ANKRD24: variants seen among roughly 807,000 people sequenced by gnomAD.
The protein encoded by ANKRD24 is ankyrin repeat domain-containing protein 24.
ANKRD24 carries 109 observed loss-of-function variants against 127.8 expected under a neutral mutation model. That is an observed-to-expected ratio of 0.85 (90% CI 0.73 to 1.00). The LOEUF is 1.00. Ranked by LOEUF, ANKRD24 falls within the 50% of genes least tolerant of loss-of-function variation. The pLI is 0.00. For missense variants in ANKRD24, 1,648 were observed against 1,570.2 expected (o/e 1.05, Z -0.84); for synonymous variants, 743 against 671.1 (o/e 1.11, Z -1.66).
Position 4,218,036 on chromosome 19 carries a change from T to TGTGC in ANKRD24, c.2877_2880dup (p.Ser961ValfsTer34). ...CGCGCGGAGCTGGAGCGGGAGCGTG[T>TGTGC]GTGCAGCGTGGCGCTCTCGGAGCAC... is the stretch of plus-strand genomic sequence containing the variant. On this transcript the variant is annotated frameshift_variant, in exon 18 of 22. Transcript: ENST00000318934. LOFTEE classifies it high-confidence loss of function. 1 of 1,559,202 alleles carries TGTGC rather than the reference T, an allele frequency of 6.4e-7. No homozygotes were observed. Among genetic ancestry groups the TGTGC allele is most frequent in the Admixed American group, 1.9e-5 (1 of 53,550 alleles).
chr19:4,208,373 A>G (rs1335721071), intron 10 of ANKRD24, among the ~76,000 whole-genome samples: 1 of 152,112 alleles, frequency 6.6e-6, no homozygotes, highest in Non-Finnish European at 1.5e-5. Flanking sequence ...ACGTGGTTCA[A>G]GCAATTCTCC....
rs149534927 is a variant in ANKRD24 at position 4,210,091 on chromosome 19, C to A, written c.904C>A (p.Pro302Thr). Reference protein sequence around the residue: ...SMSSHGKQGAPKKRKAPPPPA... With the variant: ...SMSSHGKQGATKKRKAPPPPA... The stretch of plus-strand genomic sequence containing the variant: ...GTCCAGCCATGGAAAGCAGGGGGCC[C>A]CCAAGAAGCGGAAGGCGCCTCCACC... The change falls in exon 12 of 22, where the codon CCC becomes ACC. Residue 302 changes from proline to threonine, a missense_variant. Pro to Thr is a conservative substitution (Grantham distance 38). Coordinates refer to ENST00000318934, the MANE Select transcript of ANKRD24 (RefSeq NM_001393985.1). 1.5e-4 allele frequency: 234 copies of A among 1,612,670 alleles called. 1 individual carries two copies. The African/African-American group carries it at 2.7e-3, about 18-fold the overall frequency.
chr19:4,212,492 C>T lies in ANKRD24; in HGVS notation c.1077C>T (p.Ser359=). Residue 359 remains serine (S), a synonymous_variant, in exon 14 of 22, where the codon TCC becomes TCT. Coordinates refer to ENST00000318934, the MANE Select transcript of ANKRD24 (RefSeq NM_001393985.1). ...RRQQESPEAS[S]LHILERQVQE... ...CCCGTCAGTCCCCGGAGGCCAGCTC[C>T]CTGCACATCCTGGAGAGACAGGTAG... The T allele has an allele frequency of 6.4e-7, 1 of 1,570,704 alleles. No individual in the cohort carries two copies. Among genetic ancestry groups the T allele is most frequent in the South Asian group, 1.2e-5 (1 of 85,076 alleles).
chr19:4,224,633 G>T lies in ANKRD24; in HGVS notation c.*128G>T, dbSNP rs1970641222. On this transcript the variant is annotated 3_prime_UTR_variant, in exon 22 of 22. Coordinates refer to ENST00000318934, the MANE Select transcript of ANKRD24 (RefSeq NM_001393985.1). ...TCCAGGCCCATGCACTTGGAGACCA[G>T]CCTGGTTCCCTGCCCGACCACCCCC... 1.1e-5 allele frequency: 10 copies of T among 906,048 alleles called. No individual in the cohort carries two copies. The South Asian group carries it at 1.5e-4, about 14-fold the overall frequency. The allele number at this position is 906,048 out of a possible 1,614,324, so 56.1% of individuals were successfully genotyped here.
In ANKRD24 at chr19:4,197,559, C is replaced by T. The variant is rs538101755; in HGVS notation, c.37-2124C>T. On this transcript the variant is annotated intron_variant, in intron 2 of 21. Transcript: ENST00000318934. ...TGTGGGAATGAATAAGTGAATGGGT[C>T]ATATAAGAATGAATGAATGAACAAA... is the stretch of plus-strand genomic sequence containing the variant. Among the ~76,000 whole-genome samples the T allele has an allele frequency of 1.0e-3, 136 of 131,674 alleles. 1 individual carries two copies. The highest frequency in any genetic ancestry group is 3.4e-3 in the African/African-American group (132 of 38,452). 86.4% of individuals were successfully genotyped at this position (131,674 alleles called of 152,430 possible).
intron 20 of ANKRD24, among the ~76,000 whole-genome samples, chr19:4,223,650 C>T (rs10401182): frequency 0.02 from 3,002 of 151,858 alleles, 48 homozygotes; most frequent in Middle Eastern, 0.068. Flanking sequence ...CTGCAACCTC[C>T]GCCTCCCGGG....
chr19:4,216,199 G>A (rs1970056532), intron 16 of ANKRD24, 85 bp from the exon 17 acceptor site: 2 of 1,431,940 alleles, frequency 1.4e-6, no homozygotes, highest in Admixed American at 4.0e-5. Flanking sequence ...CCTGCCCTGG[G>A]AACCCTGATC....
intron 5 of ANKRD24, among the ~76,000 whole-genome samples, chr19:4,200,494 A>C (rs749605212): frequency 2.7e-5 from 4 of 150,852 alleles, no homozygotes; most frequent in Admixed American, 6.6e-5. Flanking sequence ...ATAGCTGCAA[A>C]GTTTCTGGGG....
At chr19:4,212,428 A>G in intron 13 of ANKRD24, 47 bp from the exon 14 acceptor site, 1 of 1,558,280 alleles carries the variant, frequency 6.4e-7, no homozygotes, top group East Asian at 2.4e-5. Flanking sequence ...TGGGGCAGGG[A>G]GGCCTCTTGC....
chr19:4,197,847 AAAC>A (rs1968839226), intron 2 of ANKRD24, among the ~76,000 whole-genome samples: 1 of 152,106 alleles, frequency 6.6e-6, no homozygotes, highest in African/African-American at 2.4e-5. Context: ...GTGAGCGAAT[AAAC>A]AAATGAGTGA....
chr19:4,209,262 C>G (rs1228775435), intron 11 of ANKRD24, among the ~76,000 whole-genome samples: 2 of 151,884 alleles, frequency 1.3e-5, no homozygotes, highest in Admixed American at 1.3e-4. Flanking sequence ...AGGCACCCAC[C>G]ACAACTGGCT....
chr19:4,186,403 A>AGGAGAAACACAG lies in ANKRD24; in HGVS notation c.-20_-9dup. ...TGCCCTCCTCAGGTGGCCTGTGGAG[A>AGGAGAAACACAG]GGAGAAACACAGGGCACCAACTATG... On this transcript the variant is annotated 5_prime_UTR_variant, in exon 2 of 22. Coordinates refer to ENST00000318934, the MANE Select transcript of ANKRD24 (RefSeq NM_001393985.1). 6.3e-7 allele frequency: 1 copy of AGGAGAAACACAG among 1,581,224 alleles called. No homozygotes were observed. The highest frequency in any genetic ancestry group is 8.6e-7 in the Non-Finnish European group (1 of 1,163,706).
Position 4,216,938 on chromosome 19 carries a change from G to A in ANKRD24, c.1778G>A (p.Gly593Glu), listed in dbSNP as rs932812578. ...GAEATGAEATGAKVTETKPTG... is the reference protein window; with the variant it reads ...GAEATGAEATEAKVTETKPTG... ...GAGGCCACGGGAGCTGAGGCCACAG[G>A]AGCCAAGGTCACAGAAACAAAACCC... Residue 593 changes from glycine to glutamate, a missense_variant, in exon 18 of 22, where the codon GGA (glycine) becomes GAA (glutamate). Gly to Glu is a moderately conservative substitution (Grantham distance 98). Coordinates refer to ENST00000318934, the MANE Select transcript of ANKRD24 (RefSeq NM_001393985.1). 3 of 1,611,542 alleles carry A rather than the reference G, an allele frequency of 1.9e-6. No individual in the cohort carries two copies. The highest frequency in any genetic ancestry group is 1.7e-6 in the Non-Finnish European group (2 of 1,178,926).
chr19:4,222,985 G>A (rs1324722729), intron 20 of ANKRD24, among the ~76,000 whole-genome samples, 190 bp downstream of exon 20: 6 of 152,044 alleles, frequency 3.9e-5, no homozygotes, highest in Admixed American at 6.6e-5. Flanking sequence ...TCACTCCATC[G>A]CCCAGGCTGG....
Position 4,217,101 on chromosome 19 carries a change from A to G in ANKRD24, c.1941A>G (p.Ala647=). 6.2e-7 allele frequency: 1 copy of G among 1,613,742 alleles called. No individual in the cohort carries two copies. Residue 647 remains alanine, a synonymous_variant, in exon 18 of 22, where the codon GCA becomes GCG. Transcript: ENST00000318934. ...AMGVEATKTK[A]EEAEMQAYGV... is the part of the protein sequence containing the mutation. The stretch of plus-strand genomic sequence containing the variant: ...GGGTGGAGGCCACAAAAACAAAAGC[A>G]GAGGAAGCAGAAATGCAGGCCTACG...
intron 18 of ANKRD24, 119 bp from the exon 19 acceptor site, chr19:4,219,472 C>A (rs1970325687): frequency 4.9e-6 from 6 of 1,227,280 alleles, no homozygotes; most frequent in Non-Finnish European, 6.7e-6. Context: ...CAGAGCAAGA[C>A]CCTGTCTTAA....
At chr19:4,216,479 G>A in intron 17 of ANKRD24, 71 bp from the exon 18 acceptor site, 1 of 1,556,744 alleles carries the variant, frequency 6.4e-7, no homozygotes, top group Non-Finnish European at 8.7e-7. Context: ...AGGGAAGGTG[G>A]CAAGGCTGCC....
rs905377967 is a variant in ANKRD24, at chr19:4,224,735, C to T, written c.*230C>T. On this transcript the variant is annotated 3_prime_UTR_variant, in exon 22 of 22. Transcript: ENST00000318934. ...GGACCCGGGCCGTGACTGCCCCTCC[C>T]CCACCACCGGAGACTGTGATTCCCT... 3 of 569,082 alleles carry T rather than the reference C, an allele frequency of 5.3e-6. No homozygotes were observed. The highest frequency in any genetic ancestry group is 2.9e-5 in the East Asian group (1 of 34,440). The allele number at this position is 569,082 out of a possible 1,614,324, so 35.3% of individuals were successfully genotyped here. A position where few individuals can be genotyped will look rare whatever the true frequency, so the allele number is the denominator to read the frequency against.
At chr19:4,223,401 A>ATATATAT (rs1192232980) in intron 20 of ANKRD24, among the ~76,000 whole-genome samples, 1 of 53,324 alleles carries the variant, frequency 1.9e-5, no homozygotes, top group East Asian at 5.1e-4. Context: ...ATATATATAT[A>ATATATAT]TTTTTTTTTT....
Sources: gnomAD v4.1 joint callset for allele counts (sites outside exome capture counted in the v4.1 genomes callset) on GRCh38, gnomAD v4.1.1 for gene constraint, MANE v1.5 for transcripts, NCBI Gene and HGNC (gene_info 2026-07-23, HGNC 2026-07-21) for gene names.